MRE11: variants seen among roughly 807,000 people sequenced by gnomAD.
MRE11 encodes double-strand break repair protein MRE11.
In MRE11, 62 loss-of-function variants were observed where a neutral mutation model predicts 91.7. The ratio of observed to expected loss-of-function variants is 0.68; its 90% CI spans 0.55 to 0.84. The LOEUF (loss-of-function observed/expected upper bound fraction) is 0.84, where lower values mean the gene tolerates loss of function less well. MRE11 is among the 40% of genes least tolerant of loss of function. The pLI, the probability that MRE11 is intolerant of heterozygous loss-of-function variation, is 0.00. For synonymous variants in MRE11, 273 were observed against 271.4 expected, an observed-to-expected ratio of 1.01 and a Z score of -0.06; for missense variants, 796 against 852.9, an observed-to-expected ratio of 0.93 and a Z score of 0.83.
chr11:94,462,477 C>A (rs979072415), intron 11 of MRE11, among the ~76,000 whole-genome samples: 1 of 152,162 alleles, frequency 6.6e-6, no homozygotes, highest in Non-Finnish European at 1.5e-5. Context: ...CCAAGACAAT[C>A]CTAAGCAAAA....
chr11:94,450,320 C>T (rs1463495769), intron 14 of MRE11, among the ~76,000 whole-genome samples: 3 of 151,946 alleles, frequency 2.0e-5, no homozygotes, highest in African/African-American at 7.3e-5. Flanking sequence ...GACATAACTA[C>T]CACAAATAAA....
At position 94,419,433 on chromosome 11, in the gene MRE11, G is replaced by A. The variant is rs1945105865; in HGVS notation, c.*692C>T. Reference sequence around the variant, plus strand: ...GTATGAAAGAGAAGAAAAAGCAAAGGAGAAAGGAAGAGTGGGGAACGGGGG... The same window carrying A: ...GTATGAAAGAGAAGAAAAAGCAAAGAAGAAAGGAAGAGTGGGGAACGGGGG... On this transcript the variant is annotated 3_prime_UTR_variant, in exon 20 of 20. Coordinates refer to ENST00000323929, the MANE Select transcript of MRE11 (RefSeq NM_005591.4). 2 of 230,454 alleles carry A rather than the reference G, an allele frequency of 8.7e-6. No homozygotes were observed. The allele number at this position is 230,454 out of a possible 1,614,324, so 14.3% of individuals were successfully genotyped here.
intron 16 of MRE11, among the ~76,000 whole-genome samples, chr11:94,443,036 T>C (rs976549276): frequency 6.6e-6 from 1 of 152,216 alleles, no homozygotes; most frequent in African/African-American, 2.4e-5. Context: ...AATATAGCAA[T>C]GGAATTTTTT....
intron 19 of MRE11, among the ~76,000 whole-genome samples, chr11:94,423,369 C>T (rs1945224742): frequency 6.6e-6 from 1 of 152,080 alleles, no homozygotes; most frequent in African/African-American, 2.4e-5. Flanking sequence ...TTTCAACTGG[C>T]AGGGGGATTG....
chr11:94,509,651 C>T, the MRE11 span, among the ~76,000 whole-genome samples: 1 of 152,058 alleles, frequency 6.6e-6, no homozygotes, highest in African/African-American at 2.4e-5. Flanking sequence ...CCATGTTGGC[C>T]AGATGGTCTC....
In MRE11 at chr11:94,419,935, G is replaced by T; in HGVS notation, c.*190C>A. The stretch of plus-strand genomic sequence containing the variant: ...TACTCAAGAGTGATATTGAAACAAA[G>T]CTCTTACTACAACAACCAGGTTAAA... On this transcript the variant is annotated 3_prime_UTR_variant, in exon 20 of 20. Transcript: ENST00000323929. 1 of 468,248 alleles carries T rather than the reference G, an allele frequency of 2.1e-6. No homozygotes were observed. 29.0% of individuals were successfully genotyped at this position (468,248 alleles called of 1,614,324 possible). A position where few individuals can be genotyped will look rare whatever the true frequency, so the allele number is the denominator to read the frequency against.
chr11:94,496,867 A>C, upstream of MRE11: 1 of 1,613,992 alleles, frequency 6.2e-7, no homozygotes, highest in Non-Finnish European at 8.5e-7. Flanking sequence ...AAGATGACAA[A>C]AATGAAGAGT....
At chr11:94,497,255 A>G, upstream of MRE11, 1 of 512,698 alleles carries the variant, frequency 2.0e-6, no homozygotes, top group Non-Finnish European at 3.4e-6. Context: ...AAAACTAACT[A>G]TACCAGGTAC....
At chr11:94,434,404 A>G (rs1591639242) in intron 18 of MRE11, among the ~76,000 whole-genome samples, 2 of 152,308 alleles carry the variant, frequency 1.3e-5, no homozygotes, top group East Asian at 3.9e-4. Flanking sequence ...ACCATACCCA[A>G]AAAAATTTCA....
chr11:94,490,082 A>G (rs1040698881), intron 3 of MRE11, among the ~76,000 whole-genome samples: 2 of 152,166 alleles, frequency 1.3e-5, no homozygotes, highest in South Asian at 4.1e-4. Flanking sequence ...CTGGTCTCCA[A>G]TTCATGGTAT....
At chr11:94,498,056 T>A, upstream of MRE11, 1 of 1,542,230 alleles carries the variant, frequency 6.5e-7, no homozygotes, top group Non-Finnish European at 8.7e-7. Flanking sequence ...AAAGATTTCT[T>A]TTTTTTCTTC....
chr11:94,451,150 G>C (rs992402150), intron 14 of MRE11, among the ~76,000 whole-genome samples: 1 of 151,660 alleles, frequency 6.6e-6, no homozygotes, highest in African/African-American at 2.4e-5. Flanking sequence ...TTAGCTGGGA[G>C]TGGTAGCACA....
intron 14 of MRE11, among the ~76,000 whole-genome samples, chr11:94,454,154 A>T (rs1946189242): frequency 6.6e-6 from 1 of 151,218 alleles, no homozygotes; most frequent in Non-Finnish European, 1.5e-5. Flanking sequence ...GCTCATTGCA[A>T]CCTCTGCCTC....
At chr11:94,510,550 G>A in the MRE11 span, among the ~76,000 whole-genome samples, 3 of 152,126 alleles carry the variant, frequency 2.0e-5, no homozygotes, top group Non-Finnish European at 4.4e-5. Context: ...TGAAATCTAG[G>A]TGTTTTTGCT....
At chr11:94,422,206 T>C (rs1032842642) in intron 19 of MRE11, among the ~76,000 whole-genome samples, 95 of 152,168 alleles carry the variant, frequency 6.2e-4, no homozygotes, top group African/African-American at 2.0e-3. Flanking sequence ...TAGTTTTATT[T>C]AAACTTAATT....
At chr11:94,506,753 A>G in the MRE11 span, among the ~76,000 whole-genome samples, 2 of 151,812 alleles carry the variant, frequency 1.3e-5, no homozygotes, top group African/African-American at 2.4e-5. Flanking sequence ...ACGCCGAGCT[A>G]ATTTTTTAAT....
the MRE11 span, among the ~76,000 whole-genome samples, chr11:94,511,856 T>C: frequency 6.6e-6 from 1 of 152,388 alleles, no homozygotes; most frequent in Admixed American, 6.5e-5. Context: ...CTACTTGCTC[T>C]TCAAATTAAA....
intron 13 of MRE11, among the ~76,000 whole-genome samples, chr11:94,457,865 T>C (rs1946294805): frequency 1.1e-5 from 1 of 94,650 alleles, no homozygotes; most frequent in Non-Finnish European, 2.1e-5. Flanking sequence ...TTTCTCTTTC[T>C]CTCTCTCCCT....
intron 16 of MRE11, among the ~76,000 whole-genome samples, chr11:94,438,874 G>A (rs1478547154): frequency 6.6e-6 from 1 of 152,182 alleles, no homozygotes; most frequent in African/African-American, 2.4e-5. Flanking sequence ...GTGTCTAGCA[G>A]ATAGAAAGCA....
Sources: allele counts gnomAD v4.1 joint callset (sites outside exome capture counted in the v4.1 genomes callset), GRCh38; gene constraint gnomAD v4.1.1; transcripts MANE v1.5; gene names NCBI Gene and HGNC (gene_info 2026-07-23, HGNC 2026-07-21).